XKR4: variants seen among roughly 807,000 people sequenced by gnomAD.
XKR4 encodes the protein XK-related protein 4.
A neutral mutation model predicts 53.9 loss-of-function variants in XKR4; 12 were observed. The ratio of observed to expected loss-of-function variants is 0.22; its 90% CI spans 0.14 to 0.36. The LOEUF (loss-of-function observed/expected upper bound fraction) is 0.36. XKR4 is among the 10% of genes least tolerant of loss of function. The pLI is 1.00. For missense variants in XKR4, 799 were observed against 859.5 expected (o/e 0.93, Z 0.88); for synonymous variants, 354 against 362.4 (o/e 0.98, Z 0.26).
chr8:55,393,112 T>C (rs960480230), intron 2 of XKR4, among the ~76,000 whole-genome samples: 2 of 152,126 alleles, frequency 1.3e-5, no homozygotes, highest in Non-Finnish European at 2.9e-5. Context: ...ATTAAATGGA[T>C]GAAGCCATTT....
chr8:55,164,221 G>C (rs747931296), intron 1 of XKR4: 6 of 456,434 alleles, frequency 1.3e-5, no homozygotes, highest in Non-Finnish European at 2.2e-5. Flanking sequence ...CACCTTTCCT[G>C]AATTCTGTCG....
intron 1 of XKR4, among the ~76,000 whole-genome samples, chr8:55,213,617 G>T (rs1223392131): frequency 2.0e-5 from 3 of 152,152 alleles, no homozygotes; most frequent in South Asian, 2.1e-4. Flanking sequence ...CAAGAAGGGG[G>T]TTTGTTTTGG....
At chr8:55,151,544 T>C (rs560037021) in intron 1 of XKR4, among the ~76,000 whole-genome samples, 64 of 152,202 alleles carry the variant, frequency 4.2e-4, no homozygotes, top group Non-Finnish European at 8.4e-4. Context: ...AAAAAATAGA[T>C]TATCATAATC....
At chr8:55,108,989 C>G (rs893874161) in intron 1 of XKR4, among the ~76,000 whole-genome samples, 5 of 151,962 alleles carry the variant, frequency 3.3e-5, no homozygotes, top group African/African-American at 7.3e-5. Context: ...AAGAGAAGCC[C>G]GAAAACTTGA....
At chr8:55,495,133 C>T (rs753962285) in intron 2 of XKR4, among the ~76,000 whole-genome samples, 16 of 152,166 alleles carry the variant, frequency 1.1e-4, no homozygotes, top group African/African-American at 3.1e-4. Flanking sequence ...AGTGCTGCCT[C>T]GAGCATGTGC....
intron 2 of XKR4, among the ~76,000 whole-genome samples, chr8:55,375,843 C>T (rs559078630): frequency 6.6e-6 from 1 of 152,088 alleles, no homozygotes; most frequent in African/African-American, 2.4e-5. Flanking sequence ...AGGTATTAAG[C>T]CCCGCATGCG....
chr8:55,307,530 T>A (rs1819321243), intron 1 of XKR4, among the ~76,000 whole-genome samples: 1 of 152,008 alleles, frequency 6.6e-6, no homozygotes, highest in Non-Finnish European at 1.5e-5. Context: ...GTGGCACATG[T>A]CTGGTCCCAG....
intron 2 of XKR4, among the ~76,000 whole-genome samples, chr8:55,404,958 G>A (rs1804662645): frequency 6.6e-6 from 1 of 152,170 alleles, no homozygotes; most frequent in Non-Finnish European, 1.5e-5. Flanking sequence ...TTGCGCTGCG[G>A]CTTTATGTGA....
intron 1 of XKR4, among the ~76,000 whole-genome samples, chr8:55,170,512 C>T (rs950793319): frequency 4.6e-5 from 7 of 152,100 alleles, no homozygotes; most frequent in Admixed American, 2.6e-4. Flanking sequence ...AACATAGACC[C>T]GCTGCTTGAT....
intron 1 of XKR4, among the ~76,000 whole-genome samples, chr8:55,350,207 T>C (rs947904445): frequency 1.3e-5 from 2 of 152,256 alleles, no homozygotes; most frequent in Non-Finnish European, 2.9e-5. Context: ...TCCTCATAGC[T>C]AATCCTGAGT....
At chr8:55,460,021 A>C (rs1694264970) in intron 2 of XKR4, among the ~76,000 whole-genome samples, 3 of 152,002 alleles carry the variant, frequency 2.0e-5, no homozygotes, top group African/African-American at 7.2e-5. Flanking sequence ...GAAAAAAAAA[A>C]AAACCAAATG....
intron 1 of XKR4, among the ~76,000 whole-genome samples, chr8:55,334,332 G>C (rs564639595): frequency 3.9e-5 from 6 of 152,252 alleles, no homozygotes; most frequent in Non-Finnish European, 8.8e-5. Context: ...AATTAAATCA[G>C]GAGAACTGGC....
intron 1 of XKR4, among the ~76,000 whole-genome samples, chr8:55,111,208 C>T (rs187321407): frequency 5.6e-4 from 86 of 152,278 alleles, no homozygotes; most frequent in Non-Finnish European, 9.4e-4. Context: ...ATGACACATA[C>T]GGCCCAGCTC....
intron 2 of XKR4, among the ~76,000 whole-genome samples, chr8:55,442,200 C>A (rs1461083006): frequency 2.0e-5 from 3 of 151,916 alleles, no homozygotes. Flanking sequence ...AACTTTATGC[C>A]TAAAAATTTG....
chr8:55,123,752 C>A (rs892931268), intron 1 of XKR4, among the ~76,000 whole-genome samples: 1 of 152,176 alleles, frequency 6.6e-6, no homozygotes, highest in Non-Finnish European at 1.5e-5. Context: ...ACAGGGGACA[C>A]CCCCGCACCT....
At chr8:55,208,888 C>T (rs1419699191) in intron 1 of XKR4, among the ~76,000 whole-genome samples, 1 of 152,134 alleles carries the variant, frequency 6.6e-6, no homozygotes, top group Non-Finnish European at 1.5e-5. Flanking sequence ...GGATCAGTCC[C>T]AAGCTAATAA....
chr8:55,370,824 T>C (rs902892950), intron 2 of XKR4, among the ~76,000 whole-genome samples: 2 of 152,042 alleles, frequency 1.3e-5, no homozygotes, highest in Non-Finnish European at 2.9e-5. Flanking sequence ...CACTTGCACA[T>C]TCCTTCCCAA....
At chr8:55,476,491 G>A (rs1312559230) in intron 2 of XKR4, among the ~76,000 whole-genome samples, 2 of 152,144 alleles carry the variant, frequency 1.3e-5, no homozygotes, top group African/African-American at 4.8e-5. Flanking sequence ...CGACACAGAA[G>A]ATGGGTGATT....
intron 1 of XKR4, among the ~76,000 whole-genome samples, chr8:55,205,792 G>A (rs1319390674): frequency 1.3e-5 from 2 of 152,200 alleles, no homozygotes; most frequent in African/African-American, 4.8e-5. Flanking sequence ...ACTGTGTCCG[G>A]AATTGGTTCC....
Sources: allele counts gnomAD v4.1 joint callset (sites outside exome capture counted in the v4.1 genomes callset), GRCh38; gene constraint gnomAD v4.1.1; transcripts MANE v1.5; gene names NCBI Gene and HGNC (gene_info 2026-07-23, HGNC 2026-07-21).